The following ABCB1 variants were observed in gnomAD, a reference collection of about 807,000 sequenced individuals.
The protein encoded by ABCB1 is ATP binding cassette subfamily B member 1.
Under a neutral mutation model 142.0 loss-of-function variants are expected in ABCB1, and 69 were observed. The observed-to-expected ratio is 0.49, with a 90% CI of 0.40 to 0.59. ABCB1 has a LOEUF of 0.59. ABCB1 is among the 20% of genes least tolerant of loss of function. The pLI is 0.00. For synonymous variants in ABCB1, 532 were observed against 539.2 expected (o/e 0.99, Z 0.18); for missense variants, 1,326 against 1,554.7 (o/e 0.85, Z 2.47).
At position 87,544,109 on chromosome 7, in the gene ABCB1, C is replaced by G. The variant is rs1231307438; in HGVS notation, c.2211+20G>C. The G allele has an allele frequency of 6.2e-7, 1 of 1,613,416 alleles. No homozygotes were observed. The highest frequency in any genetic ancestry group is 8.5e-7 in the Non-Finnish European group (1 of 1,179,616). The stretch of plus-strand genomic sequence containing the variant: ...CATCAGGATTCACAAGTAAATCACA[C>G]AAATGGGCATCACACTTACCCCTAT... On this transcript the variant is annotated intron_variant, in intron 17 of 27. Coordinates refer to ENST00000622132, the MANE Select transcript of ABCB1 (RefSeq NM_001348946.2).
At chr7:87,529,037 T>A (rs926584922) in intron 21 of ABCB1, among the ~76,000 whole-genome samples, 5 of 152,212 alleles carry the variant, frequency 3.3e-5, no homozygotes, top group African/African-American at 1.2e-4. Flanking sequence ...GTTCCAAGTA[T>A]GATCAGAAGC....
Position 87,522,285 on chromosome 7 carries a change from G to C in ABCB1, c.2686-1409C>G, listed in dbSNP as rs916718675. On this transcript the variant is annotated intron_variant, in intron 21 of 27. Transcript: ENST00000622132. ...GTTTTACATTTTGGACCCATGAAGGGAGGAAACTTTGGAGGCAGAAGCTCT... is the reference window on the plus strand; with the variant it reads ...GTTTTACATTTTGGACCCATGAAGGCAGGAAACTTTGGAGGCAGAAGCTCT... 2.4e-5 allele frequency: 20 copies of C among 829,496 alleles called. No homozygotes were observed. In the African/African-American group the frequency reaches 3.0e-4, roughly 12 times the overall value. The allele number at this position is 829,496 out of a possible 1,614,324, so 51.4% of individuals were successfully genotyped here.
chr7:87,691,682 A>G (rs558910857), intron 1 of ABCB1, among the ~76,000 whole-genome samples: 1 of 152,280 alleles, frequency 6.6e-6, no homozygotes, highest in South Asian at 2.1e-4. Context: ...TTATATAAAA[A>G]ATATTTATAT....
intron 1 of ABCB1, among the ~76,000 whole-genome samples, chr7:87,643,412 C>CT (rs757081837): frequency 6.6e-5 from 10 of 151,962 alleles, no homozygotes; most frequent in Non-Finnish European, 1.5e-4. Context: ...TAGACCCCTG[C>CT]TTAAAGGATA....
At chr7:87,677,053 T>A (rs75957367) in intron 1 of ABCB1, among the ~76,000 whole-genome samples, 1 of 152,142 alleles carries the variant, frequency 6.6e-6, no homozygotes, top group Non-Finnish European at 1.5e-5. Context: ...ACAGCCATTA[T>A]GGAAAACAGT....
rs1820539780 is a variant in ABCB1, at chr7:87,626,381, GTGTCATATATATGTGTCATATGTA to G, written c.-330-25327_-330-25304del. ...TGTCATATATATGTGTCATATGTAT[GTGTCATATATATGTGTCATATGTA>G]TGTGTCATATATATGTGTCATATGT... On this transcript the variant is annotated intron_variant, in intron 1 of 28. Transcript: ENST00000265724. Among the ~76,000 whole-genome samples the G allele has an allele frequency of 7.5e-5, 2 of 26,834 alleles. 1 individual carries two copies. The highest frequency in any genetic ancestry group is 9.1e-4 in the African/African-American group (2 of 2,204). The allele number at this position is 26,834 out of a possible 152,430, so 17.6% of individuals were successfully genotyped here.
chr7:87,598,138 T>C (rs1213525102), intron 2 of ABCB1, among the ~76,000 whole-genome samples: 1 of 152,206 alleles, frequency 6.6e-6, no homozygotes, highest in Non-Finnish European at 1.5e-5. Context: ...ATCTTATTAA[T>C]CATTTTGATT....
At chr7:87,688,093 T>C (rs1435938752) in intron 1 of ABCB1, among the ~76,000 whole-genome samples, 1 of 152,158 alleles carries the variant, frequency 6.6e-6, no homozygotes, top group Non-Finnish European at 1.5e-5. Context: ...GTTTGGCTTT[T>C]AGACAATGGG....
intron 1 of ABCB1, among the ~76,000 whole-genome samples, chr7:87,610,806 C>A (rs1819825441): frequency 6.6e-6 from 1 of 152,170 alleles, no homozygotes; most frequent in Non-Finnish European, 1.5e-5. Context: ...TTAATCCTGC[C>A]CCCACATTGG....
chr7:87,665,847 C>T (rs1405059245), intron 1 of ABCB1, among the ~76,000 whole-genome samples: 1 of 152,094 alleles, frequency 6.6e-6, no homozygotes, highest in African/African-American at 2.4e-5. Flanking sequence ...CCAGCTTGAT[C>T]CATGTTGCTG....
chr7:87,517,362 C>T (rs1181193272), intron 23 of ABCB1, among the ~76,000 whole-genome samples: 2 of 141,408 alleles, frequency 1.4e-5, no homozygotes, highest in African/African-American at 5.5e-5. Context: ...TTCTCTCTCT[C>T]TTTCTCTCTC....
In ABCB1 at chr7:87,697,787, A is replaced by T. The variant is rs552352868; in HGVS notation, c.-331+15374T>A. ...TAGGTACTATCGTTATTTTCAATTT[A>T]CAGAAGAGGCCCAGACTCATAAAGT... is the stretch of plus-strand genomic sequence containing the variant. On this transcript the variant is annotated intron_variant, in intron 1 of 28. Transcript: ENST00000265724. 3.9e-4 allele frequency among the ~76,000 whole-genome samples: 59 copies of T among 152,304 alleles called. 1 individual carries two copies. Among genetic ancestry groups the T allele is most frequent in the Admixed American group, 8.5e-4 (13 of 15,302 alleles).
At chr7:87,684,960 T>C (rs1827313997) in intron 1 of ABCB1, among the ~76,000 whole-genome samples, 1 of 152,010 alleles carries the variant, frequency 6.6e-6, no homozygotes, top group Non-Finnish European at 1.5e-5. Context: ...TCAAGGTGGG[T>C]TATAGGTGTA....
chr7:87,645,081 C>CTTTTTTTT (rs551936794), intron 1 of ABCB1, among the ~76,000 whole-genome samples: 3 of 128,096 alleles, frequency 2.3e-5, no homozygotes, highest in Non-Finnish European at 1.7e-5. Context: ...TGCTTTCTTT[C>CTTTTTTTT]TTTTTTTTTT....
intron 1 of ABCB1, among the ~76,000 whole-genome samples, chr7:87,685,418 T>C (rs1228098112): frequency 6.6e-6 from 1 of 152,156 alleles, no homozygotes; most frequent in Non-Finnish European, 1.5e-5. Flanking sequence ...AGCTCTTTTG[T>C]CAAAAACTGG....
intron 7 of ABCB1, chr7:87,564,246 A>G (rs1584884305): frequency 2.6e-6 from 1 of 379,254 alleles, no homozygotes. Flanking sequence ...GCATGATAGT[A>G]TTGGTCTACT....
chr7:87,712,838 T>C (rs908844495), intron 1 of ABCB1, among the ~76,000 whole-genome samples: 2 of 152,132 alleles, frequency 1.3e-5, no homozygotes, highest in African/African-American at 2.4e-5. Context: ...TACATAGATA[T>C]ATGCACACAT....
chr7:87,677,309 A>ACC (rs1826470427), intron 1 of ABCB1, among the ~76,000 whole-genome samples: 1 of 144,310 alleles, frequency 6.9e-6, no homozygotes, highest in East Asian at 2.0e-4. Context: ...ACACACACAC[A>ACC]CCACAATGGA....
In ABCB1 at chr7:87,504,564, T is replaced by C. The variant is rs1216202760; in HGVS notation, c.3637-115A>G. On this transcript the variant is annotated intron_variant, in intron 27 of 27. Coordinates refer to ENST00000622132, the MANE Select transcript of ABCB1 (RefSeq NM_001348946.2). Reference sequence around the variant, plus strand: ...TGGCTCACGCCTGTAATCCCAGCACTTTGGGAGGCCAAGGCGGGCAGATCA... The same window carrying C: ...TGGCTCACGCCTGTAATCCCAGCACCTTGGGAGGCCAAGGCGGGCAGATCA... 1.0e-5 allele frequency: 14 copies of C among 1,402,958 alleles called. No homozygotes were observed. The highest frequency in any genetic ancestry group is 2.0e-5 in the Admixed American group (1 of 50,964). The allele number at this position is 1,402,958 out of a possible 1,614,324, so 86.9% of individuals were successfully genotyped here. A position where few individuals can be genotyped will look rare whatever the true frequency, so the allele number is the denominator to read the frequency against.
Sources: allele counts gnomAD v4.1 joint callset (sites outside exome capture counted in the v4.1 genomes callset), GRCh38; gene constraint gnomAD v4.1.1; transcripts MANE v1.5; gene names NCBI Gene and HGNC (gene_info 2026-07-23, HGNC 2026-07-21).